ELOVL6: variants seen among roughly 807,000 people sequenced by gnomAD.
The protein encoded by ELOVL6 is very long chain fatty acid elongase 6.
Under a neutral mutation model 31.7 loss-of-function variants are expected in ELOVL6, and 8 were observed. That is an observed-to-expected ratio of 0.25 (90% CI 0.15 to 0.45). The LOEUF is 0.45. Ranked by LOEUF, ELOVL6 falls within the 20% of genes least tolerant of loss-of-function variation. The pLI, the probability that ELOVL6 is intolerant of heterozygous loss-of-function variation, is 1.00. For missense variants in ELOVL6, 126 were observed against 326.4 expected, an observed-to-expected ratio of 0.39 and a Z score of 4.73; for synonymous variants, 101 against 117.7, an observed-to-expected ratio of 0.86 and a Z score of 0.92.
intron 1 of ELOVL6, among the ~76,000 whole-genome samples, chr4:110,112,375 A>G (rs1373052382): frequency 6.6e-6 from 1 of 152,228 alleles, no homozygotes; most frequent in African/African-American, 2.4e-5. Context: ...GGCTAATCAC[A>G]GCATTATTTC....
intron 2 of ELOVL6, among the ~76,000 whole-genome samples, chr4:110,084,939 A>G (rs867861251): frequency 1.1e-4 from 16 of 152,072 alleles, no homozygotes; most frequent in African/African-American, 3.6e-4. Context: ...GACTAAGGCT[A>G]TTGGCCTGAG....
At chr4:110,080,983 C>T (rs1165862117) in intron 2 of ELOVL6, among the ~76,000 whole-genome samples, 2 of 152,026 alleles carry the variant, frequency 1.3e-5, no homozygotes, top group African/African-American at 4.8e-5. Context: ...GAGTGAACTC[C>T]CATTCACAAT....
At chr4:110,162,406 C>T (rs746583104) in intron 1 of ELOVL6, among the ~76,000 whole-genome samples, 2 of 152,186 alleles carry the variant, frequency 1.3e-5, no homozygotes, top group African/African-American at 2.4e-5. Context: ...AGTGCAGTGG[C>T]GCAATCACAG....
chr4:110,070,013 C>T (rs75930619), intron 2 of ELOVL6, among the ~76,000 whole-genome samples: 1,894 of 152,260 alleles, frequency 0.012, 36 homozygotes, highest in African/African-American at 0.044. Context: ...CTGTACATCC[C>T]TGGTGTCCTA....
At chr4:110,191,454 A>G (rs7695508) in intron 1 of ELOVL6, among the ~76,000 whole-genome samples, 48,651 of 152,050 alleles carry the variant, frequency 0.32, 8,035 homozygotes, top group Middle Eastern at 0.43. Context: ...CTACATAAAG[A>G]GTAAAGGGAG....
At chr4:110,112,552 T>C (rs990477060) in intron 1 of ELOVL6, among the ~76,000 whole-genome samples, 17 of 152,222 alleles carry the variant, frequency 1.1e-4, no homozygotes, top group African/African-American at 4.1e-4. Context: ...CTGTCCTTGC[T>C]GCTCTAGTTA....
At chr4:110,152,422 T>G (rs1758303155) in intron 1 of ELOVL6, among the ~76,000 whole-genome samples, 1 of 152,174 alleles carries the variant, frequency 6.6e-6, no homozygotes, top group Non-Finnish European at 1.5e-5. Flanking sequence ...ATCTTACCTC[T>G]CTGACACCCA....
At chr4:110,189,611 A>AG (rs1553963362) in intron 1 of ELOVL6, among the ~76,000 whole-genome samples, 4 of 146,472 alleles carry the variant, frequency 2.7e-5, no homozygotes, top group South Asian at 2.2e-4. Flanking sequence ...AAAAAAAAAA[A>AG]AAAGAGAGAG....
intron 2 of ELOVL6, among the ~76,000 whole-genome samples, chr4:110,088,187 C>T (rs949826851): frequency 6.6e-6 from 1 of 152,196 alleles, no homozygotes; most frequent in African/African-American, 2.4e-5. Flanking sequence ...AGAGTGTGTT[C>T]TCACCAAAGC....
At chr4:110,084,586 ATATTTTTTTTT>A (rs1339350219) in intron 2 of ELOVL6, among the ~76,000 whole-genome samples, 5 of 39,606 alleles carry the variant, frequency 1.3e-4, no homozygotes, top group East Asian at 1.1e-3. Flanking sequence ...ATATATATAT[ATATTTTTTTTT>A]TTTTTTTTTT....
intron 2 of ELOVL6, among the ~76,000 whole-genome samples, chr4:110,071,617 TC>T (rs150588879): frequency 6.6e-6 from 1 of 152,094 alleles, no homozygotes; most frequent in East Asian, 1.9e-4. Flanking sequence ...CATGGCTGGC[TC>T]CCCCTCTCCC....
At chr4:110,071,005 T>C (rs780715679) in intron 2 of ELOVL6, among the ~76,000 whole-genome samples, 3 of 152,182 alleles carry the variant, frequency 2.0e-5, no homozygotes, top group African/African-American at 7.2e-5. Context: ...ATTATCTGTA[T>C]AGAGTCTTCC....
intron 2 of ELOVL6, among the ~76,000 whole-genome samples, chr4:110,093,964 G>C (rs1272796836): frequency 6.6e-6 from 1 of 152,062 alleles, no homozygotes; most frequent in Non-Finnish European, 1.5e-5. Context: ...TAGAATATCT[G>C]GGTGGGGCTG....
At chr4:110,111,399 C>A (rs1215273378) in intron 1 of ELOVL6, among the ~76,000 whole-genome samples, 1 of 148,704 alleles carries the variant, frequency 6.7e-6, no homozygotes, top group Non-Finnish European at 1.5e-5. Context: ...TGACATCCAC[C>A]CATCCATTCA....
chr4:110,084,663 C>T (rs866873253), intron 2 of ELOVL6, among the ~76,000 whole-genome samples: 1 of 128,744 alleles, frequency 7.8e-6, no homozygotes, highest in African/African-American at 2.9e-5. Context: ...GGCGTGATCT[C>T]GGCTCACTGC....
intron 3 of ELOVL6, among the ~76,000 whole-genome samples, chr4:110,056,364 GA>G (rs1754986985): frequency 6.6e-6 from 1 of 151,608 alleles, no homozygotes; most frequent in African/African-American, 2.4e-5. Context: ...AAATGCATGG[GA>G]AAAAAAAGTC....
intron 2 of ELOVL6, among the ~76,000 whole-genome samples, chr4:110,075,345 A>C (rs1231266212): frequency 6.6e-6 from 1 of 152,216 alleles, no homozygotes; most frequent in Non-Finnish European, 1.5e-5. Flanking sequence ...ATTATTCACA[A>C]TTGGCAACAG....
chr4:110,162,379 T>A (rs1322257518), intron 1 of ELOVL6, among the ~76,000 whole-genome samples: 3 of 152,214 alleles, frequency 2.0e-5, no homozygotes, highest in African/African-American at 7.2e-5. Context: ...AGGGTCTCAA[T>A]GTGTTGCCCA....
At position 110,157,825 on chromosome 4, in the gene ELOVL6, G is replaced by A. The variant is rs547879679; in HGVS notation, c.89+40422C>T. On this transcript the variant is annotated intron_variant, in intron 1 of 3. Coordinates refer to ENST00000302274, the MANE Select transcript of ELOVL6 (RefSeq NM_024090.3). ...TCAGGGAACTACACATGTTGAAATA[G>A]CCTAAATGGCACTTTGTTAGTCTCA... Among the ~76,000 whole-genome samples, 7 of 152,288 alleles carry A rather than the reference G, an allele frequency of 4.6e-5. No individual in the cohort carries two copies. The South Asian group carries it at 1.2e-3, about 27-fold the overall frequency.
Sources: allele counts gnomAD v4.1 joint callset (sites outside exome capture counted in the v4.1 genomes callset), GRCh38; gene constraint gnomAD v4.1.1; transcripts MANE v1.5; gene names NCBI Gene and HGNC (gene_info 2026-07-23, HGNC 2026-07-21).